MACROD2: variants seen among roughly 807,000 people sequenced by gnomAD.
MACROD2 encodes mono-ADP ribosylhydrolase 2, also known as ADP-ribose glycohydrolase MACROD2.
A neutral mutation model predicts 70.4 loss-of-function variants in MACROD2; 36 were observed. That is an observed-to-expected ratio of 0.51 (90% CI 0.39 to 0.68). The LOEUF is 0.68. MACROD2 is among the 30% of genes least tolerant of loss of function. MACROD2 has a pLI of 0.00. For synonymous variants in MACROD2, 172 were observed against 178.8 expected (o/e 0.96, Z 0.30); for missense variants, 496 against 538.4 (o/e 0.92, Z 0.78).
intron 6 of MACROD2, among the ~76,000 whole-genome samples, chr20:15,360,123 T>C (rs1264221594): frequency 1.3e-5 from 2 of 152,232 alleles, no homozygotes; most frequent in Non-Finnish European, 2.9e-5. Flanking sequence ...TTTTTTATTT[T>C]GGCTTTTCTC....
At chr20:14,745,374 G>A (rs2071786685) in intron 5 of MACROD2, among the ~76,000 whole-genome samples, 1 of 152,158 alleles carries the variant, frequency 6.6e-6, no homozygotes. Context: ...GGTTGTCTAA[G>A]CAGCCACCTA....
chr20:14,907,634 A>C (rs2073974816), intron 5 of MACROD2, among the ~76,000 whole-genome samples: 1 of 152,170 alleles, frequency 6.6e-6, no homozygotes, highest in Non-Finnish European at 1.5e-5. Context: ...GCCCAGGCAT[A>C]AGGAATAGAA....
chr20:15,285,046 G>A (rs539233086), intron 6 of MACROD2, among the ~76,000 whole-genome samples: 19 of 149,906 alleles, frequency 1.3e-4, no homozygotes, highest in African/African-American at 4.2e-4. Flanking sequence ...TATGACTAAT[G>A]TTAAGAAAAT....
At chr20:13,996,727 T>G (rs997969499) in intron 1 of MACROD2, among the ~76,000 whole-genome samples, 3 of 152,308 alleles carry the variant, frequency 2.0e-5, no homozygotes, top group East Asian at 1.9e-4. Context: ...TTTTTCACCC[T>G]CCTTTTCACA....
chr20:14,587,659 A>G (rs1018074829), intron 4 of MACROD2, among the ~76,000 whole-genome samples: 12 of 151,962 alleles, frequency 7.9e-5, no homozygotes, highest in Admixed American at 7.9e-4. Flanking sequence ...ACACATATTA[A>G]TATACACACA....
chr20:15,908,702 C>A (rs1432026883), intron 10 of MACROD2, among the ~76,000 whole-genome samples: 1 of 152,202 alleles, frequency 6.6e-6, no homozygotes, highest in Non-Finnish European at 1.5e-5. Context: ...CATTAAAATG[C>A]ACCTTTGCGG....
chr20:14,911,883 A>G (rs563242311), intron 5 of MACROD2, among the ~76,000 whole-genome samples: 3 of 152,218 alleles, frequency 2.0e-5, no homozygotes, highest in South Asian at 4.1e-4. Flanking sequence ...GACGAAGTCT[A>G]ATTTTTCTGA....
At chr20:14,665,658 G>T in intron 4 of MACROD2, among the ~76,000 whole-genome samples, 1 of 151,534 alleles carries the variant, frequency 6.6e-6, no homozygotes. Context: ...CAATCATATT[G>T]GAATAATTTT....
Position 14,002,335 on chromosome 20 carries a change from A to G in MACROD2, c.94A>G (p.Arg32Gly). ...TLEERRKEYL[R>G]DYIPLNSILS... is the part of the protein sequence containing the mutation. ...AGAAGAGAGACGCAAAGAATACCTA[A>G]GAGACTATATTCCCCTGAACAGCAT... Residue 32 changes from arginine (R) to glycine (G), a missense_variant, in exon 2 of 18, where the codon AGA becomes GGA. Transcript: ENST00000684519. 1 of 1,610,726 alleles carries G rather than the reference A, an allele frequency of 6.2e-7. No homozygotes were observed. Among genetic ancestry groups the G allele is most frequent in the Non-Finnish European group, 8.5e-7 (1 of 1,178,686 alleles).
At chr20:15,902,524 T>A (rs1463714356) in intron 10 of MACROD2, among the ~76,000 whole-genome samples, 1 of 152,068 alleles carries the variant, frequency 6.6e-6, no homozygotes, top group African/African-American at 2.4e-5. Flanking sequence ...TTTCTGTCAG[T>A]CAGGAATTGG....
At chr20:14,855,757 A>G (rs913910484) in intron 5 of MACROD2, among the ~76,000 whole-genome samples, 6 of 151,986 alleles carry the variant, frequency 3.9e-5, no homozygotes, top group African/African-American at 1.2e-4. Context: ...AAACGAGACT[A>G]AATTCTCATA....
At chr20:14,623,336 T>C (rs2089575684) in intron 4 of MACROD2, among the ~76,000 whole-genome samples, 1 of 152,186 alleles carries the variant, frequency 6.6e-6, no homozygotes, top group Admixed American at 6.5e-5. Context: ...TATGTTGGAC[T>C]GGATCCAGAG....
intron 4 of MACROD2, chr20:14,566,554 T>C (rs1979819320): frequency 6.6e-6 from 1 of 152,004 alleles, no homozygotes. Flanking sequence ...AGATACATTT[T>C]TCAACCGTAA....
chr20:14,301,171 C>T (rs2082471807), intron 3 of MACROD2, among the ~76,000 whole-genome samples: 1 of 152,116 alleles, frequency 6.6e-6, no homozygotes. Flanking sequence ...TTAGGAGTTA[C>T]TCAGGAAGGC....
Position 15,971,669 on chromosome 20 carries a change from C to T in MACROD2, c.985+4039C>T, listed in dbSNP as rs181236096. ...GAGTGTGCAGGAATCAGCTGGTCCA[C>T]CTATGGCACCATGTGGGAATCAGGA... On this transcript the variant is annotated intron_variant, in intron 13 of 17. Transcript: ENST00000684519. 2.0e-5 allele frequency among the ~76,000 whole-genome samples: 3 copies of T among 152,316 alleles called. No individual in the cohort carries two copies. The East Asian group carries it at 5.8e-4, about 29-fold the overall frequency.
intron 3 of MACROD2, among the ~76,000 whole-genome samples, chr20:14,092,837 T>A (rs2054169422): frequency 6.6e-6 from 1 of 152,232 alleles, no homozygotes; most frequent in African/African-American, 2.4e-5. Flanking sequence ...ATGGATTTAA[T>A]ACTACTGCTG....
chr20:15,206,819 C>T (rs894901950), intron 5 of MACROD2, among the ~76,000 whole-genome samples: 8 of 144,956 alleles, frequency 5.5e-5, no homozygotes, highest in African/African-American at 7.7e-5. Context: ...TCACTGCAAG[C>T]TCCACCTCCC....
chr20:14,143,891 A>G (rs1242314255), intron 3 of MACROD2, among the ~76,000 whole-genome samples: 3 of 152,210 alleles, frequency 2.0e-5, no homozygotes, highest in Non-Finnish European at 2.9e-5. Flanking sequence ...ATATAGATGA[A>G]AGACTGGACA....
intron 6 of MACROD2, among the ~76,000 whole-genome samples, chr20:15,420,597 T>TG (rs1281250013): frequency 1.9e-4 from 23 of 121,140 alleles, no homozygotes; most frequent in African/African-American, 6.3e-4. Flanking sequence ...ACCCATGCGA[T>TG]GGGGAAAAAA....
Sources: gnomAD v4.1 joint callset for allele counts (sites outside exome capture counted in the v4.1 genomes callset) on GRCh38, gnomAD v4.1.1 for gene constraint, MANE v1.5 for transcripts, NCBI Gene and HGNC (gene_info 2026-07-23, HGNC 2026-07-21) for gene names.